MAP3K15: variants seen among roughly 807,000 people sequenced by gnomAD.
MAP3K15 encodes the protein MAPK/ERK kinase kinase 15.
In MAP3K15, 124 loss-of-function variants were observed where a neutral mutation model predicts 99.5. The ratio of observed to expected loss-of-function variants is 1.25; its 90% CI spans 1.08 to 1.45. The LOEUF is 1.45. Among genes scored for constraint, MAP3K15 ranks in the 40% most tolerant of loss-of-function variants. The probability of loss-of-function intolerance (pLI) is 0.00; values close to 1 mark genes in which losing one functional copy is unlikely to be tolerated. For missense variants in MAP3K15, 1,242 were observed against 1,079.7 expected, an observed-to-expected ratio of 1.15 and a Z score of -2.11; for synonymous variants, 494 against 439.6, an observed-to-expected ratio of 1.12 and a Z score of -1.55.
At chrX:19,475,458 C>T (rs774599700) in intron 3 of MAP3K15, among the ~76,000 whole-genome samples, 14 of 110,839 alleles carry the variant, frequency 1.3e-4, no homozygotes, top group African/African-American at 3.3e-5. Context: ...CTGGGAAGGG[C>T]CCATAGGCTC....
chrX:19,440,570 C>A (rs1464704685), intron 6 of MAP3K15, among the ~76,000 whole-genome samples: 10 of 112,718 alleles, frequency 8.9e-5, no homozygotes, highest in Non-Finnish European at 1.5e-4. Context: ...CTGCCATCAT[C>A]CCAACCTTTC....
At chrX:19,458,107 T>C (rs1448929548) in intron 5 of MAP3K15, among the ~76,000 whole-genome samples, 1 of 112,159 alleles carries the variant, frequency 8.9e-6, no homozygotes, top group African/African-American at 3.2e-5. Flanking sequence ...CAGCCAGCCA[T>C]GGTCAGCAGA....
chrX:19,407,666 G>A (rs1386666840), intron 12 of MAP3K15, among the ~76,000 whole-genome samples: 1 of 112,348 alleles, frequency 8.9e-6, no homozygotes, highest in East Asian at 2.8e-4. Context: ...TTCTAGATTC[G>A]GAAAGTATCA....
intron 6 of MAP3K15, among the ~76,000 whole-genome samples, chrX:19,445,593 A>C: frequency 1.0e-5 from 1 of 100,116 alleles, no homozygotes; most frequent in Admixed American, 1.1e-4. Context: ...CTGTCTCAAA[A>C]AAAAAAAAAA....
chrX:19,478,457 C>G (rs917124962), intron 3 of MAP3K15, among the ~76,000 whole-genome samples: 3 of 107,455 alleles, frequency 2.8e-5, no homozygotes, highest in Non-Finnish European at 5.8e-5. Flanking sequence ...GAGTCCTAAG[C>G]CATAGGAAAC....
chrX:19,450,570 A>G (rs1353575465), intron 6 of MAP3K15, among the ~76,000 whole-genome samples: 1 of 109,543 alleles, frequency 9.1e-6, no homozygotes, highest in Non-Finnish European at 1.9e-5. Flanking sequence ...GTAATTTTTT[A>G]TTTTTATTTT....
rs774081106 is a variant in MAP3K15 at position 19,437,068 on chromosome X, AG to A, written c.996-5461del. On this transcript the variant is annotated intron_variant, in intron 6 of 28. Transcript: ENST00000338883. ...GGCCAATCCATTCTTCCTCTTACTC[AG>A]GCCAAAAACTTTGCAGTCATGTTTG... 7.2e-5 allele frequency among the ~76,000 whole-genome samples: 8 copies of A among 111,875 alleles called. No individual in the cohort carries two copies. The East Asian group carries it at 2.2e-3, about 31-fold the overall frequency.
chrX:19,504,368 C>T (rs1049096975), intron 1 of MAP3K15, among the ~76,000 whole-genome samples: 3 of 110,757 alleles, frequency 2.7e-5, no homozygotes, highest in African/African-American at 9.9e-5. Flanking sequence ...ATGCTTGCTG[C>T]TGCTGCTCAC....
chrX:19,400,123 G>C (rs2063597354), intron 14 of MAP3K15, among the ~76,000 whole-genome samples: 2 of 112,187 alleles, frequency 1.8e-5, no homozygotes, highest in South Asian at 3.7e-4. Context: ...TTTAGCAACT[G>C]TGGACTATAA....
chrX:19,420,222 A>G (rs1320073262), intron 9 of MAP3K15, among the ~76,000 whole-genome samples: 2 of 111,486 alleles, frequency 1.8e-5, no homozygotes, highest in African/African-American at 6.5e-5. Context: ...GACACAAAAA[A>G]CCCTTCAAAA....
chrX:19,451,050 C>T (rs2064033740), intron 6 of MAP3K15, among the ~76,000 whole-genome samples: 1 of 108,793 alleles, frequency 9.2e-6, no homozygotes. Context: ...CTTTGGGAAG[C>T]CGAGGCAGGT....
intron 3 of MAP3K15, among the ~76,000 whole-genome samples, chrX:19,468,275 G>C (rs1326880743): frequency 1.8e-5 from 2 of 112,195 alleles, no homozygotes; most frequent in Admixed American, 9.5e-5. Flanking sequence ...ATGGGAAAGA[G>C]ACAGCTAGGA....
rs369521102 is a variant in MAP3K15 at position 19,465,682 on chromosome X, A to C, written c.526-1276T>G. The stretch of plus-strand genomic sequence containing the variant: ...GGCAGGAGAATCACTTGAACCCAGG[A>C]GGCGGAGGTTGCATTGAGCCTAGAT... On this transcript the variant is annotated intron_variant, in intron 3 of 28. Coordinates refer to ENST00000338883, the MANE Select transcript of MAP3K15 (RefSeq NM_001001671.4). Among the ~76,000 whole-genome samples, 7 of 110,389 alleles carry C rather than the reference A, an allele frequency of 6.3e-5. No individual in the cohort carries two copies. In the East Asian group the frequency reaches 2.0e-3, roughly 32 times the overall value.
intron 18 of MAP3K15, among the ~76,000 whole-genome samples, chrX:19,387,059 T>C (rs780824138): frequency 1.3e-4 from 15 of 112,094 alleles, no homozygotes; most frequent in Non-Finnish European, 2.3e-4. Context: ...GATTTTCCCA[T>C]AGTCCAGGGG....
chrX:19,480,930 C>G (rs1428694441), intron 3 of MAP3K15, among the ~76,000 whole-genome samples: 1 of 107,825 alleles, frequency 9.3e-6, no homozygotes, highest in African/African-American at 3.4e-5. Context: ...GCCTGGGCAA[C>G]ATGGCAAAAC....
chrX:19,385,810 T>C (rs2063490474), intron 18 of MAP3K15, among the ~76,000 whole-genome samples: 2 of 110,130 alleles, frequency 1.8e-5, no homozygotes, highest in South Asian at 3.8e-4. Flanking sequence ...GAAGCGCTGC[T>C]GGAAAAAAAA....
At chrX:19,418,412 C>T (rs1455570107) in intron 9 of MAP3K15, among the ~76,000 whole-genome samples, 3 of 111,099 alleles carry the variant, frequency 2.7e-5, no homozygotes, top group Non-Finnish European at 5.7e-5. Context: ...CCTCGGTAGC[C>T]GATTCGATCA....
intron 13 of MAP3K15, among the ~76,000 whole-genome samples, chrX:19,402,104 G>A (rs1234006281): frequency 9.4e-6 from 1 of 106,822 alleles, no homozygotes; most frequent in African/African-American, 3.6e-5. Flanking sequence ...CCTGGGCAAC[G>A]TGGCCGAAAC....
intron 13 of MAP3K15, among the ~76,000 whole-genome samples, chrX:19,406,328 C>T (rs2063647183): frequency 1.8e-5 from 2 of 112,445 alleles, no homozygotes; most frequent in African/African-American, 6.5e-5. Flanking sequence ...AATCCAAATG[C>T]CTATTGGCTG....
Sources: gnomAD v4.1 joint callset for allele counts (sites outside exome capture counted in the v4.1 genomes callset) on GRCh38, gnomAD v4.1.1 for gene constraint, MANE v1.5 for transcripts, NCBI Gene and HGNC (gene_info 2026-07-23, HGNC 2026-07-21) for gene names.